Variants in DGKE observed in about 807,000 individuals in gnomAD.
DGKE encodes the protein DAG kinase epsilon.
A neutral mutation model predicts 70.0 loss-of-function variants in DGKE; 53 were observed. The observed-to-expected ratio is 0.76, with a 90% CI of 0.61 to 0.95. DGKE has a LOEUF of 0.95. Ranked by LOEUF, DGKE falls within the 40% of genes least tolerant of loss-of-function variation. The pLI, the probability that DGKE is intolerant of heterozygous loss-of-function variation, is 0.00. For synonymous variants in DGKE, 291 were observed against 257.0 expected (o/e 1.13, Z -1.27); for missense variants, 655 against 706.9 (o/e 0.93, Z 0.83).
At chr17:56,848,114 C>CTACACA in intron 5 of DGKE, 49 bp downstream of exon 5, 1 of 876,260 alleles carries the variant, frequency 1.1e-6, no homozygotes, top group Non-Finnish European at 1.5e-6. Flanking sequence ...GATAAATATA[C>CTACACA]TATACATATA....
At chr17:56,846,828 A>G (rs1485869581) in intron 4 of DGKE, among the ~76,000 whole-genome samples, 1 of 152,138 alleles carries the variant, frequency 6.6e-6, no homozygotes, top group Non-Finnish European at 1.5e-5. Flanking sequence ...TGTTCTTTCC[A>G]TTAATTATCT....
intron 4 of DGKE, 54 bp downstream of exon 4, chr17:56,845,863 A>G: frequency 6.7e-7 from 1 of 1,489,254 alleles, no homozygotes. Flanking sequence ...CCCAAAATGC[A>G]ATGATTATTA....
intron 8 of DGKE, among the ~76,000 whole-genome samples, chr17:56,858,071 CAAAAAAAAAAA>C (rs11449627): frequency 2.0e-5 from 2 of 100,538 alleles, no homozygotes; most frequent in African/African-American, 7.8e-5. Flanking sequence ...GACTCCATCT[CAAAAAAAAAAA>C]AAAAAAAGAA....
intron 2 of DGKE, chr17:56,838,528 A>C (rs957463408): frequency 5.3e-5 from 8 of 152,358 alleles, no homozygotes; most frequent in African/African-American, 1.7e-4. Context: ...ATCAGATGGC[A>C]GACATATTTG....
chr17:56,859,894 C>T (rs147069654), intron 9 of DGKE, among the ~76,000 whole-genome samples: 6 of 152,184 alleles, frequency 3.9e-5, no homozygotes, highest in African/African-American at 1.4e-4. Context: ...ACTGATTATA[C>T]ATTAGTCAAG....
In DGKE at chr17:56,834,773, G is replaced by C. The variant is rs771764400; in HGVS notation, c.-18-5G>C. 1.3e-6 allele frequency: 2 copies of C among 1,573,202 alleles called. No individual in the cohort carries two copies. The highest frequency in any genetic ancestry group is 1.7e-6 in the Non-Finnish European group (2 of 1,160,994). On this transcript the variant is annotated splice_polypyrimidine_tract_variant and splice_region_variant and intron_variant, in intron 1 of 11. Transcript: ENST00000284061. ...GGGTGCACCGCCTGTTTCTTTTCTG[G>C]TTAGGTATCGTCCTTGGAGAAGATG...
chr17:56,848,824 A>G lies in DGKE; in HGVS notation c.1017A>G (p.Val339=), dbSNP rs1337675082. ...EIPVAQVLRN[V]MEADGIKLDR... ...CAGTTGCGCAGGTTTTGCGAAATGT[A>G]ATGGAAGCAGATGGAATTAAACTAG... is the stretch of plus-strand genomic sequence containing the variant. Residue 339 remains valine (V), a synonymous_variant, in exon 6 of 12, where the codon GTA becomes GTG. Transcript: ENST00000284061. 2 of 1,614,094 alleles carry G rather than the reference A, an allele frequency of 1.2e-6. No homozygotes were observed. The highest frequency in any genetic ancestry group is 1.7e-6 in the Non-Finnish European group (2 of 1,180,038).
Position 56,834,815 on chromosome 17 carries a change from C to T in DGKE, c.20C>T (p.Pro7Leu), listed in dbSNP as rs1486518180. 3 of 1,604,090 alleles carry T rather than the reference C, an allele frequency of 1.9e-6. No individual in the cohort carries two copies. Among genetic ancestry groups the T allele is most frequent in the Non-Finnish European group, 1.7e-6 (2 of 1,176,104 alleles). The change falls in exon 2 of 12, where the codon CCG becomes CTG. Residue 7 changes from proline to leucine, a missense_variant. Transcript: ENST00000284061. MEAERR[P>L]APGSPSEGLF... ...GAGAAGATGGAAGCGGAGAGGCGGC[C>T]GGCGCCGGGCTCGCCCTCCGAGGGC...
At position 56,834,893 on chromosome 17, in the gene DGKE, C is replaced by G. The variant is rs1906482079; in HGVS notation, c.98C>G (p.Pro33Arg). 2 of 1,613,598 alleles carry G rather than the reference C, an allele frequency of 1.2e-6. No homozygotes were observed. The highest frequency in any genetic ancestry group is 3.3e-5 in the Admixed American group (2 of 60,008). ...ILWTLCSVLL[P>R]VFITFWCSLQ... Reference sequence around the variant, plus strand: ...TGGACGCTGTGCTCGGTCCTGCTGCCGGTGTTCATCACCTTCTGGTGTAGC... The same window carrying G: ...TGGACGCTGTGCTCGGTCCTGCTGCGGGTGTTCATCACCTTCTGGTGTAGC... Residue 33 changes from proline to arginine, a missense_variant, in exon 2 of 12, where the codon CCG becomes CGG. Coordinates refer to ENST00000284061, the MANE Select transcript of DGKE (RefSeq NM_003647.3).
chr17:56,861,548 G>C (rs1486179243), intron 9 of DGKE, among the ~76,000 whole-genome samples: 2 of 152,108 alleles, frequency 1.3e-5, no homozygotes, highest in Non-Finnish European at 2.9e-5. Flanking sequence ...CAGCAAGTTA[G>C]GTAAGTCCTG....
At chr17:56,841,305 C>T (rs543949098) in intron 2 of DGKE, among the ~76,000 whole-genome samples, 23 of 150,118 alleles carry the variant, frequency 1.5e-4, no homozygotes, top group Admixed American at 1.1e-3. Flanking sequence ...CAACTACAAA[C>T]GGAAATACAT....
At chr17:56,862,016 G>A (rs1309287431) in intron 10 of DGKE, 98 bp downstream of exon 10, 3 of 1,527,114 alleles carry the variant, frequency 2.0e-6, no homozygotes, top group Non-Finnish European at 2.6e-6. Context: ...TTTCTTTTTT[G>A]TGTATCTCAT....
At chr17:56,836,548 T>G (rs1312190622) in intron 2 of DGKE, 1 of 152,206 alleles carries the variant, frequency 6.6e-6, no homozygotes, top group Non-Finnish European at 1.5e-5. Context: ...TAAAAATGGT[T>G]TCCATAAATA....
chr17:56,838,986 G>T (rs1906800958), intron 2 of DGKE, among the ~76,000 whole-genome samples: 1 of 152,106 alleles, frequency 6.6e-6, no homozygotes, highest in African/African-American at 2.4e-5. Flanking sequence ...TGAATTAATG[G>T]ATAGAAATGT....
intron 9 of DGKE, among the ~76,000 whole-genome samples, chr17:56,860,743 G>A (rs187243973): frequency 1.3e-5 from 2 of 151,834 alleles, no homozygotes; most frequent in Admixed American, 6.6e-5. Flanking sequence ...AAGGAGGAGG[G>A]GAAGATTGCT....
chr17:56,861,900 A>G lies in DGKE; in HGVS notation c.1394A>G (p.Glu465Gly). 6.2e-7 allele frequency: 1 copy of G among 1,609,860 alleles called. No individual in the cohort carries two copies. The highest frequency in any genetic ancestry group is 8.5e-7 in the Non-Finnish European group (1 of 1,179,134). ...AGACTATGGGAAGGGATGGGGGACG[A>G]GACTTACCCTCTAGCCAGGTATGTA... ...GCRLWEGMGD[E>G]TYPLARHDDG... Residue 465 changes from glutamate (E) to glycine (G), a missense_variant, in exon 10 of 12, where the codon GAG (glutamate) becomes GGG (glycine). Coordinates refer to ENST00000284061, the MANE Select transcript of DGKE (RefSeq NM_003647.3).
At chr17:56,859,593 G>A (rs2144289056) in intron 9 of DGKE, among the ~76,000 whole-genome samples, 1 of 151,774 alleles carries the variant, frequency 6.6e-6, no homozygotes, top group Non-Finnish European at 1.5e-5. Flanking sequence ...CTAATTTTTT[G>A]TATTTTTAGT....
chr17:56,848,921 TTG>T, intron 6 of DGKE, 68 bp downstream of exon 6: 1 of 1,595,896 alleles, frequency 6.3e-7, no homozygotes, highest in South Asian at 1.1e-5. Context: ...AAGTGAAGAC[TTG>T]TGTAGATGAA....
intron 7 of DGKE, among the ~76,000 whole-genome samples, chr17:56,850,712 A>T (rs1304555738): frequency 6.6e-6 from 1 of 152,172 alleles, no homozygotes; most frequent in African/African-American, 2.4e-5. Context: ...CAAAACCTTA[A>T]GGAGAAAGAG....
Sources: allele counts gnomAD v4.1 joint callset (sites outside exome capture counted in the v4.1 genomes callset), GRCh38; gene constraint gnomAD v4.1.1; transcripts MANE v1.5; gene names NCBI Gene and HGNC (gene_info 2026-07-23, HGNC 2026-07-21).